The following CHCHD6 variants were observed in gnomAD, a reference collection of about 807,000 sequenced individuals.
CHCHD6 encodes the protein coiled-coil-helix-coiled-coil-helix domain containing 6, also known as MICOS complex subunit MIC25.
A neutral mutation model predicts 32.3 loss-of-function variants in CHCHD6; 28 were observed. The observed-to-expected ratio is 0.87, with a 90% confidence interval of 0.64 to 1.19. The LOEUF (loss-of-function observed/expected upper bound fraction) is 1.19. Ranked by LOEUF, CHCHD6 falls within the 50% of genes most tolerant of loss-of-function variation. The probability of loss-of-function intolerance (pLI) is 0.00; values close to 1 mark genes in which losing one functional copy is unlikely to be tolerated. For missense variants in CHCHD6, 333 were observed against 307.0 expected (o/e 1.08, Z -0.63); for synonymous variants, 122 against 117.5 (o/e 1.04, Z -0.25).
chr3:126,713,993 C>G (rs917651250), intron 1 of CHCHD6, among the ~76,000 whole-genome samples: 3 of 136,316 alleles, frequency 2.2e-5, no homozygotes, highest in Non-Finnish European at 4.5e-5. Flanking sequence ...AGGAGAATGG[C>G]ATGAACCTGG....
intron 4 of CHCHD6, among the ~76,000 whole-genome samples, chr3:126,817,443 A>G (rs918616016): frequency 1.3e-5 from 2 of 151,278 alleles, no homozygotes; most frequent in African/African-American, 2.4e-5. Flanking sequence ...TCCTTTCCCC[A>G]TCAGCTGACT....
At position 126,912,383 on chromosome 3, in the gene CHCHD6, G is replaced by A. The variant is rs181535476; in HGVS notation, c.496-2297G>A. ...ATACTGGACTGGTCGAGGCAAAGAC[G>A]TAATCTCTCGTTTGAATGTGAGGGC... On this transcript the variant is annotated intron_variant, in intron 5 of 7. Coordinates refer to ENST00000290913, the MANE Select transcript of CHCHD6 (RefSeq NM_032343.3). Among the ~76,000 whole-genome samples the A allele has an allele frequency of 6.8e-4, 103 of 152,242 alleles. No homozygotes were observed. In the East Asian group the frequency reaches 0.01, roughly 15 times the overall value.
Position 126,917,438 on chromosome 3 carries a change from C to T in CHCHD6, c.566+2688C>T, listed in dbSNP as rs535662021. ...CAGGGTGGAGCTCTCAGAGCCTGCCCGGGTTTTGGACTCAGACCAGGCCTC... is the reference window on the plus strand; with the variant it reads ...CAGGGTGGAGCTCTCAGAGCCTGCCTGGGTTTTGGACTCAGACCAGGCCTC... On this transcript the variant is annotated intron_variant, in intron 6 of 7. Transcript: ENST00000290913. 4.6e-5 allele frequency among the ~76,000 whole-genome samples: 7 copies of T among 152,248 alleles called. No homozygotes were observed. The South Asian group carries it at 1.0e-3, about 23-fold the overall frequency.
chr3:126,862,469 C>A (rs1941958404), intron 5 of CHCHD6, among the ~76,000 whole-genome samples: 1 of 130,398 alleles, frequency 7.7e-6, no homozygotes, highest in Admixed American at 7.6e-5. Context: ...TCCACCATCA[C>A]CACCTCCTCC....
chr3:126,900,449 G>A (rs144686577), intron 5 of CHCHD6, among the ~76,000 whole-genome samples: 2 of 152,252 alleles, frequency 1.3e-5, no homozygotes, highest in East Asian at 1.9e-4. Flanking sequence ...ATTGGCTCAC[G>A]GTTCTGCCAG....
intron 3 of CHCHD6, among the ~76,000 whole-genome samples, chr3:126,732,078 C>CA (rs57722271): frequency 0.068 from 5,134 of 75,658 alleles, 154 homozygotes; most frequent in African/African-American, 0.16. Context: ...GACCCAAAAC[C>CA]AAAAAAAAAA....
Position 126,873,317 on chromosome 3 carries a change from CCT to C in CHCHD6, c.495+20590_495+20591del, listed in dbSNP as rs1491222384. Among the ~76,000 whole-genome samples, 4 of 152,038 alleles carry C rather than the reference CCT, an allele frequency of 2.6e-5. No homozygotes were observed. In the East Asian group the frequency reaches 5.8e-4, roughly 22 times the overall value. Reference sequence around the variant, plus strand: ...AGTAGAAGGTTTGTCTTTTTTTCCCCCTCTTTCTCCCGAAGCTCTCTCTCCCA... The same window carrying C: ...AGTAGAAGGTTTGTCTTTTTTTCCCCCTTTCTCCCGAAGCTCTCTCTCCCA... On this transcript the variant is annotated intron_variant, in intron 5 of 7. Coordinates refer to ENST00000290913, the MANE Select transcript of CHCHD6 (RefSeq NM_032343.3).
At chr3:126,872,197 C>A (rs926688298) in intron 5 of CHCHD6, among the ~76,000 whole-genome samples, 6 of 152,114 alleles carry the variant, frequency 3.9e-5, no homozygotes, top group Admixed American at 1.3e-4. Context: ...CAGCTCTCCA[C>A]CCTACAGTGC....
intron 5 of CHCHD6, among the ~76,000 whole-genome samples, chr3:126,859,131 G>T (rs1941766912): frequency 6.6e-6 from 1 of 152,204 alleles, no homozygotes; most frequent in Non-Finnish European, 1.5e-5. Flanking sequence ...GTAAATGTTT[G>T]CAGGAATAAA....
intron 5 of CHCHD6, among the ~76,000 whole-genome samples, chr3:126,854,395 T>TGTG (rs1941583073): frequency 6.6e-6 from 1 of 150,902 alleles, no homozygotes; most frequent in African/African-American, 2.4e-5. Flanking sequence ...TCTCAGGAAA[T>TGTG]GGAGATTGGT....
chr3:126,942,091 G>A (rs1406797414), intron 6 of CHCHD6, among the ~76,000 whole-genome samples: 1 of 152,116 alleles, frequency 6.6e-6, no homozygotes, highest in African/African-American at 2.4e-5. Context: ...GGCCCACCTG[G>A]TGTTTCCTCA....
chr3:126,723,114 A>C (rs1485952342), intron 1 of CHCHD6, among the ~76,000 whole-genome samples: 1 of 152,216 alleles, frequency 6.6e-6, no homozygotes, highest in Non-Finnish European at 1.5e-5. Flanking sequence ...CTGACCATAG[A>C]GATAAAGGTT....
At chr3:126,886,838 G>T (rs1403754412) in intron 5 of CHCHD6, among the ~76,000 whole-genome samples, 1 of 152,136 alleles carries the variant, frequency 6.6e-6, no homozygotes, top group Non-Finnish European at 1.5e-5. Flanking sequence ...GCCCCTGTCA[G>T]ATGGGATTCA....
intron 5 of CHCHD6, among the ~76,000 whole-genome samples, chr3:126,863,063 CCACCAT>C (rs1942010134): frequency 1.8e-5 from 1 of 55,420 alleles, no homozygotes; most frequent in Non-Finnish European, 3.6e-5. Flanking sequence ...TCCTCCTCCT[CCACCAT>C]CATCACCTCC....
chr3:126,905,927 C>T (rs539562245), intron 5 of CHCHD6, among the ~76,000 whole-genome samples: 4 of 152,114 alleles, frequency 2.6e-5, no homozygotes, highest in South Asian at 2.1e-4. Context: ...AACCAAGAGA[C>T]GAGGGCATGT....
At chr3:126,807,428 G>A (rs1286964740) in intron 4 of CHCHD6, among the ~76,000 whole-genome samples, 1 of 152,084 alleles carries the variant, frequency 6.6e-6, no homozygotes, top group East Asian at 1.9e-4. Flanking sequence ...TATGGTATCA[G>A]AAATGGATAA....
chr3:126,953,013 T>G (rs2078736896), intron 6 of CHCHD6: 2 of 985,352 alleles, frequency 2.0e-6, no homozygotes, highest in African/African-American at 3.5e-5. Flanking sequence ...TGAATGCCAA[T>G]GATTCCTTCA....
intron 6 of CHCHD6, among the ~76,000 whole-genome samples, chr3:126,920,094 C>T (rs1313128072): frequency 1.3e-5 from 2 of 151,890 alleles, no homozygotes; most frequent in East Asian, 1.9e-4. Flanking sequence ...TTGGAGTTCT[C>T]CTTATTAGTC....
Position 126,737,828 on chromosome 3 carries a change from G to A in CHCHD6, c.411+4606G>A, listed in dbSNP as rs144339864. On this transcript the variant is annotated intron_variant, in intron 4 of 7. Transcript: ENST00000290913. ...ATTATAGGAAGCGGCAGGGTGTGGC[G>A]GTGGGGAGGCTAGAGGGGCCCACAG... Among the ~76,000 whole-genome samples, 160 of 151,878 alleles carry A rather than the reference G, an allele frequency of 1.1e-3. 1 individual carries two copies. Among genetic ancestry groups the A allele is most frequent in the African/African-American group, 3.5e-3 (144 of 41,194 alleles).
Sources: allele counts gnomAD v4.1 joint callset (sites outside exome capture counted in the v4.1 genomes callset), GRCh38; gene constraint gnomAD v4.1.1; transcripts MANE v1.5; gene names NCBI Gene and HGNC (gene_info 2026-07-23, HGNC 2026-07-21).